The following HMGB3 variants were observed in gnomAD, a reference collection of about 807,000 sequenced individuals.
HMGB3 encodes the protein high mobility group box 3, also known as high mobility group protein B3.
In HMGB3, 1 loss-of-function variant was observed where a neutral mutation model predicts 12.9. The observed-to-expected ratio is 0.08, with a 90% CI of 0.03 to 0.37. HMGB3 has a LOEUF of 0.37. Ranked by LOEUF, HMGB3 falls within the 10% of genes least tolerant of loss-of-function variation. The pLI, the probability that HMGB3 is intolerant of heterozygous loss-of-function variation, is 0.99. For missense variants in HMGB3, 74 were observed against 153.3 expected, an observed-to-expected ratio of 0.48 and a Z score of 2.73; for synonymous variants, 61 against 53.9, an observed-to-expected ratio of 1.13 and a Z score of -0.57.
chrX:150,989,160 ATTG>A lies in HMGB3; in HGVS notation c.*1249_*1251del, dbSNP rs782651647. ...ATGGTGTGTCAAAAATTAAGGCCTT[ATTG>A]TTTTTCTCTTTCACCCCTACCCCCC... On this transcript the variant is annotated 3_prime_UTR_variant, in exon 5 of 5. Coordinates refer to ENST00000325307, the MANE Select transcript of HMGB3 (RefSeq NM_005342.4). 5 of 111,353 alleles carry A rather than the reference ATTG, an allele frequency of 4.5e-5. No homozygotes were observed. The highest frequency in any genetic ancestry group is 9.4e-5 in the Non-Finnish European group (5 of 53,038). The allele number at this position is 111,353 out of a possible 1,213,427, so 9.2% of individuals were successfully genotyped here. A position where few individuals can be genotyped will look rare whatever the true frequency, so the allele number is the denominator to read the frequency against.
At chrX:150,982,828 T>A (rs2293738), upstream of HMGB3, among the ~76,000 whole-genome samples, 27,968 of 111,989 alleles carry the variant, frequency 0.25, 2,975 homozygotes, top group Non-Finnish European at 0.32. Context: ...GCCGCCGCGT[T>A]TCTGTCGCGG....
chrX:150,985,898 T>C, intron 2 of HMGB3, 149 bp downstream of exon 2: 1 of 824,903 alleles, frequency 1.2e-6, no homozygotes, highest in Non-Finnish European at 1.7e-6. Flanking sequence ...ATTTTGTGTG[T>C]GTGCTTTTAT....
chrX:150,984,946 G>C (rs1486362042), intron 1 of HMGB3, among the ~76,000 whole-genome samples: 10 of 112,061 alleles, frequency 8.9e-5, no homozygotes, highest in Non-Finnish European at 1.5e-4. Flanking sequence ...AGCACGACTA[G>C]CCCTTTTTAT....
intron 3 of HMGB3, among the ~76,000 whole-genome samples, chrX:150,986,645 A>G (rs1194699865): frequency 9.0e-6 from 1 of 111,048 alleles, no homozygotes; most frequent in African/African-American, 3.3e-5. Context: ...ATGCATACAC[A>G]CACACACGCA....
intron 2 of HMGB3, 39 bp downstream of exon 2, chrX:150,985,788 G>A: frequency 8.8e-7 from 1 of 1,130,718 alleles, no homozygotes; most frequent in Non-Finnish European, 1.2e-6. Flanking sequence ...GTCTTAGTTG[G>A]GTTTCTTACT....
chrX:150,989,866 G>A lies in HMGB3; in HGVS notation c.*1952G>A, dbSNP rs1054326265. 1.3e-4 allele frequency: 15 copies of A among 111,981 alleles called. No individual in the cohort carries two copies. The highest frequency in any genetic ancestry group is 4.9e-4 in the African/African-American group (15 of 30,812). 9.2% of individuals were successfully genotyped at this position (111,981 alleles called of 1,213,427 possible). On this transcript the variant is annotated 3_prime_UTR_variant, in exon 5 of 5. Coordinates refer to ENST00000325307, the MANE Select transcript of HMGB3 (RefSeq NM_005342.4). ...CTCCGCCCTGTCGGGTCCTGGATGA[G>A]TACGAGTTATGGTCACGGTCACAGC...
intron 1 of HMGB3, among the ~76,000 whole-genome samples, chrX:150,984,915 CT>C (rs1477801543): frequency 7.6e-4 from 85 of 112,336 alleles, no homozygotes; most frequent in Non-Finnish European, 1.4e-3. Context: ...TCGGCTGGAC[CT>C]GCATTCTGGG....
chrX:150,984,026 C>A (rs1414639971), intron 1 of HMGB3, among the ~76,000 whole-genome samples: 2 of 101,640 alleles, frequency 2.0e-5, no homozygotes, highest in Non-Finnish European at 4.1e-5. Context: ...GGCCGCCCCC[C>A]TCTCGCCTCC....
chrX:150,986,315 G>A (rs1224966931), intron 3 of HMGB3, 125 bp downstream of exon 3: 2 of 530,588 alleles, frequency 3.8e-6, no homozygotes, highest in African/African-American at 4.9e-5. Flanking sequence ...TTAAAAGATG[G>A]CAATACCTCT....
chrX:150,983,666 G>A (rs1416475852), intron 1 of HMGB3: 34 of 668,901 alleles, frequency 5.1e-5, no homozygotes, highest in Middle Eastern at 8.7e-4. Flanking sequence ...ACGCCCGCCC[G>A]TGGCGGCCCC....
chrX:150,981,445 T>C (rs1434423349), upstream of HMGB3, among the ~76,000 whole-genome samples: 1 of 102,276 alleles, frequency 9.8e-6, no homozygotes, highest in African/African-American at 3.6e-5. Context: ...AATACCTGCC[T>C]GCTCTTGTCA....
Position 150,985,937 on chromosome X carries a change from C to A in HMGB3, c.151-114C>A, listed in dbSNP as rs1452911086. On this transcript the variant is annotated intron_variant, in intron 2 of 4. Coordinates refer to ENST00000325307, the MANE Select transcript of HMGB3 (RefSeq NM_005342.4). The stretch of plus-strand genomic sequence containing the variant: ...TTTAAGGCCCTGCACAGGTTTCAGG[C>A]CTTTACCTACCCCCTTTTGCAAGTG... 9.1e-6 allele frequency: 8 copies of A among 879,985 alleles called. No individual in the cohort carries two copies. The East Asian group carries it at 2.5e-4, about 28-fold the overall frequency. 72.5% of individuals were successfully genotyped at this position (879,985 alleles called of 1,213,427 possible).
upstream of HMGB3, among the ~76,000 whole-genome samples, chrX:150,981,156 A>C (rs2047990332): frequency 9.1e-6 from 1 of 109,936 alleles, no homozygotes; most frequent in Non-Finnish European, 1.9e-5. Flanking sequence ...TAGAAGGAGC[A>C]GGGAGGGGCT....
chrX:150,982,123 A>G (rs1196105946), upstream of HMGB3, among the ~76,000 whole-genome samples: 3 of 112,069 alleles, frequency 2.7e-5, no homozygotes, highest in Non-Finnish European at 5.6e-5. Context: ...CATTCTTTCC[A>G]GGCAAGGGCC....
At chrX:150,984,716 G>T (rs1220965552) in intron 1 of HMGB3, 1 of 198,513 alleles carries the variant, frequency 5.0e-6, no homozygotes, top group African/African-American at 3.1e-5. Context: ...GTCCCGCCCC[G>T]CCCGGGCCGC....
upstream of HMGB3, among the ~76,000 whole-genome samples, chrX:150,981,763 T>C (rs1355642780): frequency 2.7e-5 from 3 of 111,514 alleles, no homozygotes; most frequent in Non-Finnish European, 5.6e-5. Context: ...GCCTCTATCT[T>C]TGCCTTTTGA....
At chrX:150,982,527 C>G (rs1169008164), upstream of HMGB3, among the ~76,000 whole-genome samples, 1 of 112,482 alleles carries the variant, frequency 8.9e-6, no homozygotes, top group Non-Finnish European at 1.9e-5. Context: ...GGGCCTTGAA[C>G]CGAGACAGTG....
At position 150,989,323 on chromosome X, in the gene HMGB3, C is replaced by G. The variant is rs2048089483; in HGVS notation, c.*1409C>G. The G allele has an allele frequency of 9.0e-6, 1 of 110,623 alleles. No individual in the cohort carries two copies. Among genetic ancestry groups the G allele is most frequent in the Admixed American group, 9.7e-5 (1 of 10,295 alleles). The allele number at this position is 110,623 out of a possible 1,213,427, so 9.1% of individuals were successfully genotyped here. On this transcript the variant is annotated 3_prime_UTR_variant, in exon 5 of 5. Transcript: ENST00000325307. Reference sequence around the variant, plus strand: ...AGGGGACGGTATCCTTTTTTTGCTCCTACTTGGAAACACCAAACACCCCAA... The same window carrying G: ...AGGGGACGGTATCCTTTTTTTGCTCGTACTTGGAAACACCAAACACCCCAA...
rs2048069276 is a variant in HMGB3, at chrX:150,987,854, A to C, written c.543A>C (p.Glu181Asp). The C allele has an allele frequency of 1.7e-6, 2 of 1,199,747 alleles. No homozygotes were observed. The highest frequency in any genetic ancestry group is 3.5e-5 in the South Asian group (2 of 56,508). The change falls in exon 5 of 5, where the codon GAA (glutamate) becomes GAC (aspartate). Residue 181 changes from glutamate to aspartate, a missense_variant. Transcript: ENST00000325307. ...GPAKVARKKV[E>D]EEDEEEEEEE... The stretch of plus-strand genomic sequence containing the variant: ...CTAAAGTTGCCCGGAAAAAGGTGGA[A>C]GAGGAAGATGAAGAAGAGGAGGAGG...
Sources: allele counts gnomAD v4.1 joint callset (sites outside exome capture counted in the v4.1 genomes callset), GRCh38; gene constraint gnomAD v4.1.1; transcripts MANE v1.5; gene names NCBI Gene and HGNC (gene_info 2026-07-23, HGNC 2026-07-21).